RCBTB1: variants seen among roughly 807,000 people sequenced by gnomAD.
The protein encoded by RCBTB1 is RCC1 and BTB domain-containing protein 1.
Under a neutral mutation model 62.4 loss-of-function variants are expected in RCBTB1, and 46 were observed. The observed-to-expected ratio is 0.74, with a 90% CI of 0.58 to 0.94. The LOEUF (loss-of-function observed/expected upper bound fraction) is 0.94, where lower values mean the gene tolerates loss of function less well. Ranked by LOEUF, RCBTB1 falls within the 40% of genes least tolerant of loss-of-function variation. The probability of loss-of-function intolerance (pLI) is 0.00; values close to 1 mark genes in which losing one functional copy is unlikely to be tolerated. For missense variants in RCBTB1, 565 were observed against 654.9 expected (o/e 0.86, Z 1.50); for synonymous variants, 222 against 245.8 (o/e 0.90, Z 0.91).
intron 2 of RCBTB1, among the ~76,000 whole-genome samples, chr13:49,575,650 A>G (rs1007904994): frequency 5.3e-5 from 8 of 152,066 alleles, no homozygotes; most frequent in Admixed American, 2.6e-4. Context: ...AGAAAACCAA[A>G]TACCACATGT....
At chr13:49,547,190 A>G in intron 9 of RCBTB1, 1 of 1,226,036 alleles carries the variant, frequency 8.2e-7, no homozygotes, top group South Asian at 1.3e-5. Context: ...AAAAAAAAAT[A>G]CTGTATTATA....
At chr13:49,540,298 C>T (rs957018115) in intron 12 of RCBTB1, among the ~76,000 whole-genome samples, 7 of 152,168 alleles carry the variant, frequency 4.6e-5, no homozygotes, top group Admixed American at 1.3e-4. Flanking sequence ...AAAATGCACA[C>T]AAACTTTCAG....
intron 10 of RCBTB1, among the ~76,000 whole-genome samples, chr13:49,543,532 G>C (rs1288460277): frequency 4.6e-5 from 7 of 152,094 alleles, no homozygotes; most frequent in African/African-American, 1.7e-4. Flanking sequence ...CCTTTCAAAT[G>C]TATTTCTTTG....
intron 9 of RCBTB1, among the ~76,000 whole-genome samples, chr13:49,548,822 A>T (rs1025400534): frequency 6.7e-6 from 1 of 150,360 alleles, no homozygotes; most frequent in African/African-American, 2.5e-5. Context: ...GTGACTAATT[A>T]ACGTATAAGG....
At chr13:49,554,690 A>C (rs1365350660) in intron 6 of RCBTB1, among the ~76,000 whole-genome samples, 1 of 152,150 alleles carries the variant, frequency 6.6e-6, no homozygotes, top group African/African-American at 2.4e-5. Context: ...ACTGCACAAC[A>C]AGGCATCTAG....
At chr13:49,557,908 T>G (rs1639019236) in intron 5 of RCBTB1, among the ~76,000 whole-genome samples, 2 of 152,130 alleles carry the variant, frequency 1.3e-5, no homozygotes, top group Non-Finnish European at 2.9e-5. Flanking sequence ...CCACATCAAG[T>G]ACAAATATGG....
chr13:49,534,513 C>G (rs543077281), intron 12 of RCBTB1, among the ~76,000 whole-genome samples: 3 of 151,428 alleles, frequency 2.0e-5, no homozygotes, highest in African/African-American at 7.3e-5. Flanking sequence ...CACACGCGCG[C>G]GCACACACAC....
intron 9 of RCBTB1, chr13:49,547,018 C>A: frequency 1.7e-6 from 2 of 1,195,170 alleles, no homozygotes; most frequent in South Asian, 3.1e-5. Context: ...GATATAAGAA[C>A]TGGGGGAAGC....
intron 11 of RCBTB1, 83 bp from the exon 12 acceptor site, chr13:49,541,089 G>GT: frequency 8.2e-7 from 1 of 1,223,406 alleles, no homozygotes; most frequent in South Asian, 1.5e-5. Flanking sequence ...GAACAGAGGT[G>GT]TACAGGTAAA....
At chr13:49,556,876 C>T (rs539585076) in intron 5 of RCBTB1, among the ~76,000 whole-genome samples, 4 of 152,304 alleles carry the variant, frequency 2.6e-5, no homozygotes, top group East Asian at 1.9e-4. Context: ...GGAACCCAGC[C>T]GGCATAAATT....
At chr13:49,572,828 G>C (rs933604339) in intron 2 of RCBTB1, among the ~76,000 whole-genome samples, 1 of 152,126 alleles carries the variant, frequency 6.6e-6, no homozygotes, top group Non-Finnish European at 1.5e-5. Context: ...AATCACTCCA[G>C]AGGGTTGCAC....
At chr13:49,559,325 G>A (rs748831620) in intron 5 of RCBTB1, among the ~76,000 whole-genome samples, 3 of 151,922 alleles carry the variant, frequency 2.0e-5, no homozygotes, top group South Asian at 2.1e-4. Context: ...TTCCACTTAC[G>A]TGAGGTACCT....
intron 5 of RCBTB1, among the ~76,000 whole-genome samples, chr13:49,559,436 C>T (rs1245324765): frequency 6.6e-6 from 1 of 152,098 alleles, no homozygotes; most frequent in Non-Finnish European, 1.5e-5. Context: ...GCGGGCAGAT[C>T]ACGAGGTCAG....
Position 49,567,231 on chromosome 13 carries a change from CTT to C in RCBTB1, c.47_48del (p.Gln16ArgfsTer17), listed in dbSNP as rs747803510. ...KWPIFTLLSP[Q>X]EIASIRKACV... ...CACGCCTTCCGAATAGACGCGATCT[CTT>C]GAGGGGAGAGTAGAGTGAAGATGGG... On this transcript the variant is annotated frameshift_variant, in exon 3 of 13. Coordinates refer to ENST00000378302, the MANE Select transcript of RCBTB1 (RefSeq NM_018191.4). LOFTEE classifies it high-confidence loss of function. 1.9e-6 allele frequency: 3 copies of C among 1,613,954 alleles called. No homozygotes were observed. The highest frequency in any genetic ancestry group is 1.7e-5 in the Admixed American group (1 of 60,004).
At chr13:49,565,195 TTGGTGGAGACG>T (rs1962830957) in intron 4 of RCBTB1, among the ~76,000 whole-genome samples, 1 of 152,212 alleles carries the variant, frequency 6.6e-6, no homozygotes, top group Non-Finnish European at 1.5e-5. Context: ...TCGTATTTTT[TTGGTGGAGACG>T]GGGTTTCGCT....
chr13:49,581,990 G>A (rs1406374068), intron 1 of RCBTB1, among the ~76,000 whole-genome samples: 1 of 152,258 alleles, frequency 6.6e-6, no homozygotes, highest in Non-Finnish European at 1.5e-5. Context: ...TCACTCTGAA[G>A]GAAAAATGAG....
intron 4 of RCBTB1, among the ~76,000 whole-genome samples, chr13:49,560,434 G>T (rs1000837343): frequency 4.6e-5 from 7 of 152,176 alleles, no homozygotes; most frequent in Non-Finnish European, 5.9e-5. Context: ...AAGAAAGCTC[G>T]ATGTTAATGT....
chr13:49,575,767 T>A (rs1566272206), intron 2 of RCBTB1, among the ~76,000 whole-genome samples: 1 of 152,078 alleles, frequency 6.6e-6, no homozygotes. Context: ...GTACACAGGC[T>A]AAAAAACTAC....
At chr13:49,567,348 A>G in intron 2 of RCBTB1, 28 bp from the exon 3 acceptor site, 2 of 1,541,892 alleles carry the variant, frequency 1.3e-6, no homozygotes, top group Non-Finnish European at 1.8e-6. Flanking sequence ...ATTCCAGAAA[A>G]AAATTAAATA....
Sources: allele counts gnomAD v4.1 joint callset (sites outside exome capture counted in the v4.1 genomes callset), GRCh38; gene constraint gnomAD v4.1.1; transcripts MANE v1.5; gene names NCBI Gene and HGNC (gene_info 2026-07-23, HGNC 2026-07-21).